CRACD: variants seen among roughly 807,000 people sequenced by gnomAD.
CRACD encodes capping protein-inhibiting regulator of actin dynamics.
In CRACD, 56 loss-of-function variants were observed where a neutral mutation model predicts 106.8. The observed-to-expected ratio is 0.52, with a 90% CI of 0.42 to 0.66. The LOEUF is 0.66. CRACD is among the 30% of genes least tolerant of loss of function. CRACD has a pLI of 0.00. For missense variants in CRACD, 1,730 were observed against 1,623.2 expected, an observed-to-expected ratio of 1.07 and a Z score of -1.13; for synonymous variants, 754 against 670.8, an observed-to-expected ratio of 1.12 and a Z score of -1.92.
chr4:56,314,293 A>G lies in CRACD; in HGVS notation c.791A>G (p.Asn264Ser). The G allele has an allele frequency of 6.4e-7, 1 of 1,556,224 alleles. No individual in the cohort carries two copies. ...QALERRLWEE[N>S]RRQELLEEEG... ...CTGGAGAGGAGGCTTTGGGAAGAGA[A>G]CAGAAGGCAGGAGCTCTTGGAGGAG... The change falls in exon 8 of 11, where the codon AAC (asparagine) becomes AGC (serine). Residue 264 changes from asparagine (N) to serine (S), a missense_variant. Around this residue, in one of 5 missense-constraint regions of CRACD, gnomAD observed 1,620 missense variants for 1,481.6 expected, o/e 1.09. Coordinates refer to ENST00000682029, the MANE Select transcript of CRACD (RefSeq NM_001393381.1). The surrounding 1 kb of genome is among the most constrained non-coding windows in gnomAD (Gnocchi z 4.4).
chr4:56,317,229 C>A (rs1011268260), intron 8 of CRACD, among the ~76,000 whole-genome samples: 4 of 152,172 alleles, frequency 2.6e-5, no homozygotes, highest in African/African-American at 9.6e-5. Context: ...TCATTGACTA[C>A]GTCACTGCTA....
intron 3 of CRACD, among the ~76,000 whole-genome samples, chr4:56,281,917 A>G (rs1337316137): frequency 6.6e-6 from 1 of 152,126 alleles, no homozygotes; most frequent in East Asian, 1.9e-4. Flanking sequence ...TCTTCCTTGA[A>G]TTTGTATGAC....
chr4:56,150,926 G>A (rs371237895), intron 1 of CRACD, among the ~76,000 whole-genome samples: 2 of 152,128 alleles, frequency 1.3e-5, no homozygotes, highest in East Asian at 1.9e-4. Context: ...AGATAGTGCC[G>A]AACAGTTGTC....
intron 1 of CRACD, among the ~76,000 whole-genome samples, chr4:56,054,584 G>T (rs1226665912): frequency 6.6e-6 from 1 of 152,124 alleles, no homozygotes; most frequent in Non-Finnish European, 1.5e-5. Flanking sequence ...CATATTTTAG[G>T]TTTACATAGA....
chr4:56,060,270 G>A (rs1732226960), intron 1 of CRACD, among the ~76,000 whole-genome samples: 1 of 151,910 alleles, frequency 6.6e-6, no homozygotes, highest in African/African-American at 2.4e-5. Context: ...AGTTTCTAGA[G>A]AATGTAAAAA....
chr4:56,303,435 TAA>T (rs1231870960), intron 4 of CRACD, among the ~76,000 whole-genome samples: 15 of 149,202 alleles, frequency 1.0e-4, no homozygotes, highest in Admixed American at 2.6e-4. Flanking sequence ...TCTGAAAACT[TAA>T]AGTCTGGCTT....
At chr4:56,153,053 C>T (rs13133552) in intron 1 of CRACD, among the ~76,000 whole-genome samples, 56,964 of 151,728 alleles carry the variant, frequency 0.38, 10,831 homozygotes, top group Middle Eastern at 0.46. Context: ...CTGAGGTGGG[C>T]GGATCACCTA....
intron 1 of CRACD, among the ~76,000 whole-genome samples, chr4:56,142,344 G>A (rs1391977863): frequency 6.6e-6 from 1 of 152,202 alleles, no homozygotes; most frequent in Middle Eastern, 3.4e-3. Context: ...CATTTAGGTT[G>A]ATTTATTTCT....
rs561429506 is a variant in CRACD at position 56,203,294 on chromosome 4, C to G, written c.-189+23864C>G. ...GTATGGAAGGGACCAGCACCGACCA[C>G]CTGGAGCACTTGTGCTATTTTGTAC... is the stretch of plus-strand genomic sequence containing the variant. On this transcript the variant is annotated intron_variant, in intron 2 of 10. Coordinates refer to ENST00000682029, the MANE Select transcript of CRACD (RefSeq NM_001393381.1). 2.2e-4 allele frequency among the ~76,000 whole-genome samples: 34 copies of G among 152,314 alleles called. No individual in the cohort carries two copies. In the South Asian group the frequency reaches 6.7e-3, roughly 30 times the overall value.
rs142966969 is a variant in CRACD at position 56,267,984 on chromosome 4, C to A, written c.-188-4337C>A. Among the ~76,000 whole-genome samples, 362 of 152,266 alleles carry A rather than the reference C, an allele frequency of 2.4e-3. 1 individual carries two copies. The highest frequency in any genetic ancestry group is 8.4e-3 in the African/African-American group (347 of 41,540). ...CACCCTCTCCCAGCCTTTTTCTCAT[C>A]CTTGTGTGTATTCAGCTCCTTCCAG... On this transcript the variant is annotated intron_variant, in intron 2 of 10. Transcript: ENST00000682029.
At chr4:56,060,786 A>C (rs2109785465) in intron 1 of CRACD, among the ~76,000 whole-genome samples, 1 of 152,248 alleles carries the variant, frequency 6.6e-6, no homozygotes, top group East Asian at 1.9e-4. Context: ...AATCCTGATG[A>C]ATAGGATAAG....
chr4:56,299,519 A>G lies in CRACD; in HGVS notation c.120+1170A>G, dbSNP rs372914213. ...ACCCCATCTCTACCAAAAATACAAA[A>G]GTTAGCCGGGCATGGTTGTGCATGC... On this transcript the variant is annotated intron_variant, in intron 4 of 10. Coordinates refer to ENST00000682029, the MANE Select transcript of CRACD (RefSeq NM_001393381.1). Among the ~76,000 whole-genome samples the G allele has an allele frequency of 7.9e-5, 12 of 152,158 alleles. No homozygotes were observed. In the South Asian group the frequency reaches 2.5e-3, roughly 32 times the overall value.
rs537423597 is a variant in CRACD at position 56,142,971 on chromosome 4, G to A, written c.-335-36313G>A. On this transcript the variant is annotated intron_variant, in intron 1 of 10. Coordinates refer to ENST00000682029, the MANE Select transcript of CRACD (RefSeq NM_001393381.1). Reference sequence around the variant, plus strand: ...TCCATTTTACCATTCGGTAAGACAAGCTCCTTTTCATTGATTTTTCTCTTT... The same window carrying A: ...TCCATTTTACCATTCGGTAAGACAAACTCCTTTTCATTGATTTTTCTCTTT... Among the ~76,000 whole-genome samples the A allele has an allele frequency of 5.3e-5, 8 of 151,500 alleles. No homozygotes were observed. In the South Asian group the frequency reaches 8.3e-4, roughly 16 times the overall value.
chr4:56,268,120 C>T (rs2109635866), intron 2 of CRACD, among the ~76,000 whole-genome samples: 2 of 152,326 alleles, frequency 1.3e-5, no homozygotes, highest in Middle Eastern at 3.4e-3. Context: ...CTCATCAACC[C>T]TCTTAGCTGA....
intron 1 of CRACD, among the ~76,000 whole-genome samples, chr4:56,076,018 C>T (rs1291763853): frequency 1.3e-5 from 2 of 152,172 alleles, no homozygotes; most frequent in African/African-American, 4.8e-5. Context: ...AAGAATGTTT[C>T]CCTTCAAATT....
intron 2 of CRACD, among the ~76,000 whole-genome samples, chr4:56,236,071 TG>T (rs1739950206): frequency 6.6e-6 from 1 of 152,178 alleles, no homozygotes; most frequent in Admixed American, 6.5e-5. Flanking sequence ...GACCTCAGAA[TG>T]TGACCTTACT....
chr4:56,249,188 C>A (rs936251169), intron 2 of CRACD, among the ~76,000 whole-genome samples: 4 of 149,854 alleles, frequency 2.7e-5, no homozygotes, highest in Non-Finnish European at 5.9e-5. Flanking sequence ...TACAGTCCCA[C>A]CAACAGTGTA....
chr4:56,308,724 T>A, intron 5 of CRACD: 1 of 984,946 alleles, frequency 1.0e-6, no homozygotes, highest in South Asian at 4.7e-5. Context: ...ACACCCTTTG[T>A]GTGGTAGGTC....
At chr4:56,273,173 C>G (rs1234158311) in intron 3 of CRACD, among the ~76,000 whole-genome samples, 1 of 152,094 alleles carries the variant, frequency 6.6e-6, no homozygotes, top group Non-Finnish European at 1.5e-5. Flanking sequence ...ATGGGCTAGA[C>G]TTTACACCCT....
Sources: allele counts gnomAD v4.1 joint callset (sites outside exome capture counted in the v4.1 genomes callset), GRCh38; gene constraint gnomAD v4.1.1; regional missense constraint gnomAD v4.1.1; non-coding constraint Gnocchi (gnomAD v3.1); transcripts MANE v1.5; gene names NCBI Gene and HGNC (gene_info 2026-07-23, HGNC 2026-07-21).